Variants in ODAD2 observed in about 807,000 individuals in gnomAD.
ODAD2 encodes the protein outer dynein arm docking complex subunit 2.
In ODAD2, 89 loss-of-function variants were observed where a neutral mutation model predicts 106.8. That is an observed-to-expected ratio of 0.83 (90% CI 0.70 to 0.99). ODAD2 has a LOEUF of 0.99. ODAD2 is among the 50% of genes least tolerant of loss of function. The probability of loss-of-function intolerance (pLI) is 0.00; values close to 1 mark genes in which losing one functional copy is unlikely to be tolerated. For missense variants in ODAD2, 1,168 were observed against 1,238.5 expected (o/e 0.94, Z 0.85); for synonymous variants, 404 against 436.2 (o/e 0.93, Z 0.92).
At position 27,923,994 on chromosome 10, in the gene ODAD2, GAA is replaced by G. The variant is rs745610618; in HGVS notation, c.2495+11014_2495+11015del. Among the ~76,000 whole-genome samples the G allele has an allele frequency of 8.2e-3, 1,051 of 128,204 alleles. 29 individuals carry two copies. The highest frequency in any genetic ancestry group is 0.015 in the Middle Eastern group (4 of 262). The allele number at this position is 128,204 out of a possible 152,430, so 84.1% of individuals were successfully genotyped here. On this transcript the variant is annotated intron_variant, in intron 16 of 19. Coordinates refer to ENST00000305242, the MANE Select transcript of ODAD2 (RefSeq NM_018076.5). Reference sequence around the variant, plus strand: ...AGAAAGAAAGAAAGAAAGAAAGAAAGAAAGAAAGAAAGAAAGAAAGAAAGAAA... The same window carrying G: ...AGAAAGAAAGAAAGAAAGAAAGAAAGAGAAAGAAAGAAAGAAAGAAAGAAA...
rs12415609 is a variant in ODAD2 at position 27,845,868 on chromosome 10, G to A, written c.3021+14757C>T. Reference sequence around the variant, plus strand: ...TAAAGGGATCAATTCAACAAGAAGAGCTAACTATCCTAAATATATATGCAC... The same window carrying A: ...TAAAGGGATCAATTCAACAAGAAGAACTAACTATCCTAAATATATATGCAC... On this transcript the variant is annotated intron_variant, in intron 19 of 19. Transcript: ENST00000305242. Among the ~76,000 whole-genome samples, 1,308 of 152,294 alleles carry A rather than the reference G, an allele frequency of 8.6e-3. 62 individuals carry two copies. Among genetic ancestry groups the A allele is most frequent in the Admixed American group, 0.075 (1,146 of 15,296 alleles).
intron 19 of ODAD2, among the ~76,000 whole-genome samples, chr10:27,820,502 G>A (rs989596626): frequency 4.6e-5 from 7 of 151,878 alleles, no homozygotes; most frequent in African/African-American, 1.7e-4. Context: ...ACCAGATAAG[G>A]GTTGCTGGAA....
In ODAD2 at chr10:27,939,866, C is replaced by T. The variant is rs199793409; in HGVS notation, c.2097+31G>A. The T allele has an allele frequency of 1.4e-4, 198 of 1,409,486 alleles. 1 individual carries two copies. Among genetic ancestry groups the T allele is most frequent in the African/African-American group, 4.5e-4 (31 of 68,702 alleles). The allele number at this position is 1,409,486 out of a possible 1,614,324, so 87.3% of individuals were successfully genotyped here. ...CTACCTTAAACTATGTGAGAAAGAA[C>T]GCCAACAACCGCTGGGAGAGTTCAC... On this transcript the variant is annotated intron_variant, in intron 14 of 19. Coordinates refer to ENST00000305242, the MANE Select transcript of ODAD2 (RefSeq NM_018076.5).
rs369884669 is a variant in ODAD2, at chr10:27,944,834, G to A, written c.1515C>T (p.Thr505=). The A allele has an allele frequency of 1.1e-5, 18 of 1,614,048 alleles. No homozygotes were observed. The highest frequency in any genetic ancestry group is 2.2e-5 in the East Asian group (1 of 44,856). ...GLEVLINLLE[T]DEVKCKIGSL... The stretch of plus-strand genomic sequence containing the variant: ...CACTCACCTTACATTTGACTTCATC[G>A]GTTTCAAGCAAATTTATCAGCACTT... Residue 505 remains threonine, a synonymous_variant, in exon 11 of 20, where the codon ACC becomes ACT. Transcript: ENST00000305242.
At chr10:27,949,520 G>C (rs971348619) in intron 10 of ODAD2, among the ~76,000 whole-genome samples, 5 of 152,126 alleles carry the variant, frequency 3.3e-5, no homozygotes, top group Non-Finnish European at 5.9e-5. Flanking sequence ...ATGTCCACCA[G>C]TCGGAGCAAA....
chr10:27,994,798 C>T, intron 2 of ODAD2, 121 bp downstream of exon 2: 1 of 1,048,172 alleles, frequency 9.5e-7, no homozygotes, highest in Non-Finnish European at 1.4e-6. Flanking sequence ...GTTTTCATTC[C>T]CTGGTTTAGA....
chr10:27,947,432 T>A (rs1847012884), intron 10 of ODAD2, among the ~76,000 whole-genome samples: 1 of 151,998 alleles, frequency 6.6e-6, no homozygotes, highest in Admixed American at 6.6e-5. Flanking sequence ...ACTACCACTC[T>A]CCAGCATGGG....
chr10:27,859,135 T>A (rs1839867751), intron 19 of ODAD2, among the ~76,000 whole-genome samples: 1 of 152,084 alleles, frequency 6.6e-6, no homozygotes, highest in Non-Finnish European at 1.5e-5. Context: ...ATTAGAAATA[T>A]CTTCCTTTTT....
chr10:27,941,014 A>G (rs972169830), intron 12 of ODAD2, among the ~76,000 whole-genome samples: 1 of 152,166 alleles, frequency 6.6e-6, no homozygotes, highest in Admixed American at 6.5e-5. Flanking sequence ...GAGCTTATAC[A>G]TTTCCTTCCC....
intron 19 of ODAD2, among the ~76,000 whole-genome samples, chr10:27,838,874 G>C (rs752544107): frequency 1.3e-5 from 2 of 152,196 alleles, no homozygotes; most frequent in Middle Eastern, 3.4e-3. Context: ...AAAAAGCTGC[G>C]GGACATAGCT....
intron 7 of ODAD2, among the ~76,000 whole-genome samples, chr10:27,972,509 T>G (rs2133002557): frequency 6.6e-6 from 1 of 152,252 alleles, no homozygotes; most frequent in South Asian, 2.1e-4. Flanking sequence ...AAAGGAGACC[T>G]AACTATTTGT....
chr10:27,906,730 G>A (rs1843618048), intron 17 of ODAD2, among the ~76,000 whole-genome samples: 1 of 152,084 alleles, frequency 6.6e-6, no homozygotes, highest in African/African-American at 2.4e-5. Flanking sequence ...GGATGAAGCT[G>A]GAAACCATCA....
rs532424742 is a variant in ODAD2 at position 27,947,022 on chromosome 10, C to T, written c.1387-2060G>A. On this transcript the variant is annotated intron_variant, in intron 10 of 19. Coordinates refer to ENST00000305242, the MANE Select transcript of ODAD2 (RefSeq NM_018076.5). ...GATGCAGCAGGCTGTCCTCCACATTCATGATTAAGTTCAGAATGACAAGAG... is the reference window on the plus strand; with the variant it reads ...GATGCAGCAGGCTGTCCTCCACATTTATGATTAAGTTCAGAATGACAAGAG... Among the ~76,000 whole-genome samples the T allele has an allele frequency of 2.0e-4, 30 of 152,268 alleles. No individual in the cohort carries two copies. In the South Asian group the frequency reaches 2.9e-3, roughly 15 times the overall value.
chr10:27,860,467 G>A (rs1207880287), intron 19 of ODAD2, among the ~76,000 whole-genome samples, 158 bp downstream of exon 19: 2 of 151,992 alleles, frequency 1.3e-5, no homozygotes, highest in Non-Finnish European at 2.9e-5. Context: ...GAAAAAAAAA[G>A]TCATGATAAC....
chr10:27,921,835 TA>T (rs374271756), intron 16 of ODAD2, among the ~76,000 whole-genome samples: 13,144 of 124,210 alleles, frequency 0.11, 990 homozygotes, highest in African/African-American at 0.23. Flanking sequence ...AGCAGTATTT[TA>T]TTTTTTTTTT....
chr10:27,962,855 G>A (rs1848231389), intron 9 of ODAD2, among the ~76,000 whole-genome samples: 1 of 152,052 alleles, frequency 6.6e-6, no homozygotes, highest in Non-Finnish European at 1.5e-5. Flanking sequence ...TCACTCACAT[G>A]TGGAGAGGTG....
intron 16 of ODAD2, among the ~76,000 whole-genome samples, chr10:27,910,947 C>T (rs12355297): frequency 6.6e-6 from 1 of 152,046 alleles, no homozygotes; most frequent in African/African-American, 2.4e-5. Flanking sequence ...CAATATATAA[C>T]GTTGTTTCAC....
intron 19 of ODAD2, among the ~76,000 whole-genome samples, chr10:27,844,585 G>A (rs1458177397): frequency 1.6e-4 from 24 of 152,094 alleles, no homozygotes; most frequent in Admixed American, 1.6e-3. Context: ...GGGTGATTTG[G>A]GGCAAGTTAT....
chr10:27,882,217 G>GAAAT (rs1287322238), intron 17 of ODAD2, among the ~76,000 whole-genome samples: 11 of 151,154 alleles, frequency 7.3e-5, no homozygotes, highest in African/African-American at 2.7e-4. Flanking sequence ...AAGAAAGAAA[G>GAAAT]AAAGAAAGAA....
Sources: allele counts gnomAD v4.1 joint callset (sites outside exome capture counted in the v4.1 genomes callset), GRCh38; gene constraint gnomAD v4.1.1; transcripts MANE v1.5; gene names NCBI Gene and HGNC (gene_info 2026-07-23, HGNC 2026-07-21).